TSPAN9: variants seen among roughly 807,000 people sequenced by gnomAD.
TSPAN9 encodes the protein tetraspanin-9.
TSPAN9 carries 16 observed loss-of-function variants against 31.0 expected under a neutral mutation model. The observed-to-expected ratio is 0.52, with a 90% CI of 0.35 to 0.78. The LOEUF (loss-of-function observed/expected upper bound fraction) is 0.78. Among genes scored for constraint, TSPAN9 ranks in the 30% least tolerant of loss-of-function variants. The pLI, the probability that TSPAN9 is intolerant of heterozygous loss-of-function variation, is 0.01. For synonymous variants in TSPAN9, 145 were observed against 121.6 expected (o/e 1.19, Z -1.27); for missense variants, 272 against 312.5 (o/e 0.87, Z 0.98).
chr12:3,114,945 T>C (rs1279537221), intron 2 of TSPAN9, among the ~76,000 whole-genome samples: 1 of 152,104 alleles, frequency 6.6e-6, no homozygotes, highest in African/African-American at 2.4e-5. Context: ...ATAGAGTTTG[T>C]CTATCTGAAG....
chr12:3,281,914 G>A lies in TSPAN9; in HGVS notation c.648+97G>A, dbSNP rs749427548. 243 of 1,336,142 alleles carry A rather than the reference G, an allele frequency of 1.8e-4. 1 individual carries two copies. In the East Asian group the frequency reaches 3.3e-3, roughly 18 times the overall value. 82.8% of individuals were successfully genotyped at this position (1,336,142 alleles called of 1,614,324 possible). The stretch of plus-strand genomic sequence containing the variant: ...AGTGAAAGCAGTGTTGGTACACGGC[G>A]GAGGGTCTGGAATTCATCACAGCTA... On this transcript the variant is annotated intron_variant, in intron 8 of 8. Transcript: ENST00000011898.
In TSPAN9 at chr12:3,080,336, T is replaced by G. The variant is rs1050067664; in HGVS notation, c.-85+2883T>G. ...AAAACACTGAATGTAAAATCTTTTT[T>G]TTGTTGTTGTTGTTTTTGAGATGGA... On this transcript the variant is annotated intron_variant, in intron 1 of 8. Coordinates refer to ENST00000011898, the MANE Select transcript of TSPAN9 (RefSeq NM_006675.5). Among the ~76,000 whole-genome samples, 7 of 152,226 alleles carry G rather than the reference T, an allele frequency of 4.6e-5. No homozygotes were observed. The East Asian group carries it at 5.8e-4, about 13-fold the overall frequency.
intron 3 of TSPAN9, among the ~76,000 whole-genome samples, chr12:3,222,286 G>C (rs183814929): frequency 6.6e-6 from 1 of 152,208 alleles, no homozygotes; most frequent in Non-Finnish European, 1.5e-5. Context: ...CCCTGGCTCC[G>C]TCACAGATGA....
intron 2 of TSPAN9, among the ~76,000 whole-genome samples, chr12:3,132,057 C>T (rs576481852): frequency 1.3e-5 from 2 of 152,296 alleles, no homozygotes; most frequent in South Asian, 2.1e-4. Flanking sequence ...CTGCACTTAG[C>T]GTATTTTCAA....
intron 2 of TSPAN9, among the ~76,000 whole-genome samples, chr12:3,146,328 G>A (rs770524230): frequency 6.6e-6 from 1 of 152,200 alleles, no homozygotes. Flanking sequence ...GGAGCTTAGG[G>A]TGGGGAGACT....
At chr12:3,252,589 C>T (rs1003200095) in intron 3 of TSPAN9, among the ~76,000 whole-genome samples, 5 of 152,362 alleles carry the variant, frequency 3.3e-5, no homozygotes, top group African/African-American at 9.6e-5. Context: ...GGGCCTGGGC[C>T]GACTCTTGCA....
intron 3 of TSPAN9, chr12:3,206,132 T>C (rs1007989431): frequency 4.0e-5 from 15 of 377,520 alleles, no homozygotes; most frequent in Non-Finnish European, 6.0e-5. Context: ...GGCCTGCTCC[T>C]ATCTCCATGT....
At chr12:3,265,157 T>A (rs1180498621) in intron 3 of TSPAN9, among the ~76,000 whole-genome samples, 2 of 152,228 alleles carry the variant, frequency 1.3e-5, no homozygotes, top group African/African-American at 2.4e-5. Context: ...GGCTGGAGGA[T>A]CCCATGGGCA....
chr12:3,136,521 CAA>C (rs1356380256), intron 2 of TSPAN9, among the ~76,000 whole-genome samples: 1 of 152,162 alleles, frequency 6.6e-6, no homozygotes, highest in East Asian at 1.9e-4. Context: ...TCCAGCATTG[CAA>C]AGACAGGACA....
chr12:3,209,955 T>TC (rs1347840631), intron 3 of TSPAN9, among the ~76,000 whole-genome samples: 12 of 64,646 alleles, frequency 1.9e-4, no homozygotes, highest in South Asian at 6.4e-4. Context: ...TGAGACTCTG[T>TC]CCCAAAAAAA....
intron 2 of TSPAN9, among the ~76,000 whole-genome samples, chr12:3,146,458 A>G (rs2098337314): frequency 1.3e-5 from 2 of 152,184 alleles, no homozygotes. Context: ...GTATCTGTGG[A>G]GCACCTCCTG....
At chr12:3,115,140 C>T (rs2098321564) in intron 2 of TSPAN9, among the ~76,000 whole-genome samples, 1 of 150,756 alleles carries the variant, frequency 6.6e-6, no homozygotes. Flanking sequence ...CCATGATTTA[C>T]CTACCCTGGA....
At chr12:3,084,658 T>A (rs1327859424) in intron 2 of TSPAN9, among the ~76,000 whole-genome samples, 2 of 152,222 alleles carry the variant, frequency 1.3e-5, no homozygotes, top group Non-Finnish European at 2.9e-5. Flanking sequence ...CCTTTACAAA[T>A]GTCCACAACC....
At chr12:3,080,493 C>T (rs2098297345) in intron 1 of TSPAN9, among the ~76,000 whole-genome samples, 1 of 152,066 alleles carries the variant, frequency 6.6e-6, no homozygotes, top group Admixed American at 6.6e-5. Flanking sequence ...CGCCATCACC[C>T]TCGGCTAAAT....
intron 2 of TSPAN9, among the ~76,000 whole-genome samples, chr12:3,149,075 G>C (rs1380863292): frequency 6.6e-6 from 1 of 152,234 alleles, no homozygotes; most frequent in East Asian, 1.9e-4. Flanking sequence ...GAGGGCCAGT[G>C]TTTTATTGAA....
chr12:3,098,889 A>T (rs1461013039), intron 2 of TSPAN9, among the ~76,000 whole-genome samples: 1 of 151,460 alleles, frequency 6.6e-6, no homozygotes, highest in Non-Finnish European at 1.5e-5. Flanking sequence ...TAGCCATGTG[A>T]CTATGGGTGT....
intron 3 of TSPAN9, among the ~76,000 whole-genome samples, chr12:3,221,884 C>T (rs112914684): frequency 0.01 from 1,534 of 152,278 alleles, 13 homozygotes; most frequent in Middle Eastern, 0.024. Flanking sequence ...TCAAGTAATC[C>T]TCCTGCCTTG....
At chr12:3,194,858 C>A (rs1293864300) in intron 2 of TSPAN9, among the ~76,000 whole-genome samples, 1 of 151,952 alleles carries the variant, frequency 6.6e-6, no homozygotes. Context: ...CCTGTAGCCT[C>A]CCCCCACCAT....
intron 3 of TSPAN9, among the ~76,000 whole-genome samples, chr12:3,218,961 G>A (rs966449830): frequency 3.9e-5 from 6 of 152,202 alleles, no homozygotes; most frequent in African/African-American, 1.4e-4. Context: ...CATGTCAGCT[G>A]TCAGGGCCAC....
Sources: allele counts gnomAD v4.1 joint callset (sites outside exome capture counted in the v4.1 genomes callset), GRCh38; gene constraint gnomAD v4.1.1; transcripts MANE v1.5; gene names NCBI Gene and HGNC (gene_info 2026-07-23, HGNC 2026-07-21).